The following CMC1 variants were observed in gnomAD, a reference collection of about 807,000 sequenced individuals.
CMC1 encodes the protein C-X9-C motif containing 1.
A neutral mutation model predicts 14.1 loss-of-function variants in CMC1; 14 were observed. The observed-to-expected ratio is 0.99, with a 90% CI of 0.66 to 1.55. The LOEUF is 1.55. Ranked by LOEUF, CMC1 falls within the 40% of genes most tolerant of loss-of-function variation. CMC1 has a pLI of 0.00. For synonymous variants in CMC1, 50 were observed against 38.4 expected (o/e 1.30, Z -1.12); for missense variants, 127 against 123.8 (o/e 1.03, Z -0.12).
chr3:28,287,858 G>A (rs1357338743), intron 2 of CMC1, among the ~76,000 whole-genome samples: 1 of 151,878 alleles, frequency 6.6e-6, no homozygotes, highest in African/African-American at 2.4e-5. Context: ...TGAAAACCAT[G>A]ATTGAATTTC....
chr3:28,286,427 T>A (rs1701183541), intron 2 of CMC1, among the ~76,000 whole-genome samples: 1 of 152,174 alleles, frequency 6.6e-6, no homozygotes, highest in Non-Finnish European at 1.5e-5. Context: ...AACATGTCAT[T>A]TAGTGAATGT....
At chr3:28,296,293 A>G (rs1346535137) in intron 2 of CMC1, among the ~76,000 whole-genome samples, 3 of 152,114 alleles carry the variant, frequency 2.0e-5, no homozygotes, top group Non-Finnish European at 4.4e-5. Flanking sequence ...CTTAGGAAAT[A>G]ACTTCCTGTT....
In CMC1 at chr3:28,316,409, A is replaced by G. The variant is rs761033159; in HGVS notation, c.186A>G (p.Glu62=). Reference sequence around the variant, plus strand: ...GGAAAGAAAATTCTGCATTGAAAGAATGTCTAACTGCTTAGTAAGTAGTTG... The same window carrying G: ...GGAAAGAAAATTCTGCATTGAAAGAGTGTCTAACTGCTTAGTAAGTAGTTG... ...KCRKENSALK[E]CLTAYYNDPA... is the part of the protein sequence containing the mutation. Residue 62 remains glutamate (E), a synonymous_variant, in exon 3 of 4, where the codon GAA becomes GAG. Transcript: ENST00000466830. 1.3e-6 allele frequency: 2 copies of G among 1,591,184 alleles called. No homozygotes were observed. Among genetic ancestry groups the G allele is most frequent in the African/African-American group, 1.3e-5 (1 of 74,148 alleles).
In CMC1 at chr3:28,263,277, CTTT is replaced by C; in HGVS notation, c.20-6_20-4del. 1.4e-6 allele frequency: 2 copies of C among 1,418,822 alleles called. No individual in the cohort carries two copies. Among genetic ancestry groups the C allele is most frequent in the Admixed American group, 2.0e-5 (1 of 49,800 alleles). The allele number at this position is 1,418,822 out of a possible 1,614,324, so 87.9% of individuals were successfully genotyped here. On this transcript the variant is annotated splice_polypyrimidine_tract_variant and intron_variant, in intron 1 of 3. Coordinates refer to ENST00000466830, the MANE Select transcript of CMC1 (RefSeq NM_182523.2). ...GCTTGAGACTTTATTAAAGAAAGAT[CTTT>C]TTTTTTTCAGACCAGCATCTCAGAC...
At chr3:28,262,680 CTTATCCTTTGTTTATTT>C (rs1478810614) in intron 1 of CMC1, among the ~76,000 whole-genome samples, 3 of 152,182 alleles carry the variant, frequency 2.0e-5, no homozygotes, top group Non-Finnish European at 1.5e-5. Flanking sequence ...ACTGAAGGCA[CTTATCCTTTGTTTATTT>C]TTCAGGACTC....
intron 2 of CMC1, among the ~76,000 whole-genome samples, chr3:28,309,912 C>T (rs1372645580): frequency 7.5e-6 from 1 of 132,668 alleles, no homozygotes; most frequent in Non-Finnish European, 1.6e-5. Flanking sequence ...ATACTTGGTA[C>T]ATGCCTTTTC....
Position 28,323,981 on chromosome 3 carries a change from C to T in CMC1, c.*4352C>T. The T allele has an allele frequency of 6.7e-7, 1 of 1,489,648 alleles. No individual in the cohort carries two copies. 92.3% of individuals were successfully genotyped at this position (1,489,648 alleles called of 1,614,324 possible). A position where few individuals can be genotyped will look rare whatever the true frequency, so the allele number is the denominator to read the frequency against. ...CTCCTTTCAGTTTGTTAAATAATTT[C>T]TTGGGAGGACCACTGAAAGAGATAA... On this transcript the variant is annotated 3_prime_UTR_variant, in exon 4 of 4. Transcript: ENST00000466830.
chr3:28,302,659 A>G (rs1335671495), intron 2 of CMC1, among the ~76,000 whole-genome samples: 7 of 152,186 alleles, frequency 4.6e-5, no homozygotes, highest in Non-Finnish European at 7.3e-5. Flanking sequence ...AATATATTTT[A>G]TAGGAATACT....
chr3:28,308,854 A>G (rs534164647), intron 2 of CMC1, among the ~76,000 whole-genome samples: 7 of 152,164 alleles, frequency 4.6e-5, no homozygotes, highest in Admixed American at 1.3e-4. Context: ...GTGGTGGCGC[A>G]TGCCTGTAGT....
At chr3:28,262,810 G>A (rs776643503) in intron 1 of CMC1, among the ~76,000 whole-genome samples, 3 of 152,046 alleles carry the variant, frequency 2.0e-5, no homozygotes, top group African/African-American at 4.8e-5. Context: ...AATCACACAC[G>A]CTTTGTTTTC....
intron 2 of CMC1, among the ~76,000 whole-genome samples, chr3:28,291,162 G>C (rs1701452065): frequency 6.6e-6 from 1 of 152,120 alleles, no homozygotes; most frequent in Admixed American, 6.5e-5. Context: ...TTGTAACTCA[G>C]TCATAGAAGT....
At chr3:28,294,462 G>T in intron 2 of CMC1, 1 of 976,530 alleles carries the variant, frequency 1.0e-6, no homozygotes, top group Non-Finnish European at 1.2e-6. Flanking sequence ...AAACATTGCA[G>T]ATGTTAGATG....
At chr3:28,253,049 A>C (rs1248556637) in intron 1 of CMC1, among the ~76,000 whole-genome samples, 5 of 152,082 alleles carry the variant, frequency 3.3e-5, no homozygotes, top group African/African-American at 1.2e-4. Flanking sequence ...CTCTTCGTCT[A>C]CCCTTCCTCA....
intron 2 of CMC1, among the ~76,000 whole-genome samples, chr3:28,285,225 T>C (rs1701109518): frequency 6.6e-6 from 1 of 152,186 alleles, no homozygotes; most frequent in African/African-American, 2.4e-5. Context: ...GTTCTGTTGC[T>C]GAGTACAGTA....
At chr3:28,242,967 A>G (rs2125408510) in intron 1 of CMC1, among the ~76,000 whole-genome samples, 1 of 152,252 alleles carries the variant, frequency 6.6e-6, no homozygotes, top group African/African-American at 2.4e-5. Flanking sequence ...GATGACTACC[A>G]TGATTTGGTT....
chr3:28,264,430 A>T lies in CMC1; in HGVS notation c.109+1050A>T, dbSNP rs560999164. On this transcript the variant is annotated intron_variant, in intron 2 of 3. Coordinates refer to ENST00000466830, the MANE Select transcript of CMC1 (RefSeq NM_182523.2). ...AATAAAATAAAGAGTAGTTCTTTGG[A>T]ATCAACAATGTGTGATGGTAATTTT... is the stretch of plus-strand genomic sequence containing the variant. 6.6e-5 allele frequency among the ~76,000 whole-genome samples: 10 copies of T among 152,310 alleles called. No homozygotes were observed. In the East Asian group the frequency reaches 1.9e-3, roughly 29 times the overall value.
intron 1 of CMC1, among the ~76,000 whole-genome samples, chr3:28,251,536 C>CA (rs1265901892): frequency 1.3e-5 from 2 of 151,964 alleles, no homozygotes; most frequent in Admixed American, 6.6e-5. Flanking sequence ...GCTCCCACCC[C>CA]AAAAAAGTTA....
Position 28,324,998 on chromosome 3 carries a change from A to G in CMC1, c.*5369A>G, listed in dbSNP as rs1290440553. On this transcript the variant is annotated 3_prime_UTR_variant, in exon 4 of 4. Transcript: ENST00000466830. The stretch of plus-strand genomic sequence containing the variant: ...AATAATTGCATTTTTAATTGGTGAG[A>G]CCCAAATGAAGTTTTTATATATCAA... The G allele has an allele frequency of 6.6e-6, 1 of 150,914 alleles. No homozygotes were observed. Among genetic ancestry groups the G allele is most frequent in the Non-Finnish European group, 1.5e-5 (1 of 67,294 alleles). 9.3% of individuals were successfully genotyped at this position (150,914 alleles called of 1,614,324 possible). A position where few individuals can be genotyped will look rare whatever the true frequency, so the allele number is the denominator to read the frequency against.
intron 2 of CMC1, among the ~76,000 whole-genome samples, chr3:28,280,993 G>A (rs1472317611): frequency 6.6e-6 from 1 of 152,186 alleles, no homozygotes; most frequent in African/African-American, 2.4e-5. Context: ...GTAGAGTTGG[G>A]TAGTTGCAAC....
Sources: allele counts gnomAD v4.1 joint callset (sites outside exome capture counted in the v4.1 genomes callset), GRCh38; gene constraint gnomAD v4.1.1; transcripts MANE v1.5; gene names NCBI Gene and HGNC (gene_info 2026-07-23, HGNC 2026-07-21).